CPPED1: variants seen among roughly 807,000 people sequenced by gnomAD.
The protein encoded by CPPED1 is serine/threonine-protein phosphatase CPPED1.
In CPPED1, 28 loss-of-function variants were observed where a neutral mutation model predicts 28.0. The observed-to-expected ratio is 1.00, with a 90% CI of 0.74 to 1.37. The LOEUF (loss-of-function observed/expected upper bound fraction) is 1.37, where lower values mean the gene tolerates loss of function less well. CPPED1 is among the 40% of genes most tolerant of loss of function. CPPED1 has a pLI of 0.00. For synonymous variants in CPPED1, 198 were observed against 180.2 expected (o/e 1.10, Z -0.79); for missense variants, 504 against 416.5 (o/e 1.21, Z -1.83).
chr16:12,683,304 G>A (rs1295526256), intron 3 of CPPED1, among the ~76,000 whole-genome samples: 2 of 152,098 alleles, frequency 1.3e-5, no homozygotes, highest in South Asian at 2.1e-4. Flanking sequence ...TCCTCCTCCA[G>A]TTAACAGCTT....
rs1056767126 is a variant in CPPED1 at position 12,670,920 on chromosome 16, G to A, written c.716-5805C>T. Among the ~76,000 whole-genome samples the A allele has an allele frequency of 7.9e-5, 12 of 152,070 alleles. No individual in the cohort carries two copies. Among genetic ancestry groups the A allele is most frequent in the Middle Eastern group, 3.4e-3 (1 of 294 alleles). On this transcript the variant is annotated intron_variant, in intron 3 of 3. Coordinates refer to ENST00000381774, the MANE Select transcript of CPPED1 (RefSeq NM_018340.3). This position sits in a 1 kb window ranked among gnomAD's most constrained non-coding sequence, Gnocchi z 4.2. The stretch of plus-strand genomic sequence containing the variant: ...TGCTGAAGTACAGTGGTGCGATCTC[G>A]GCTCACTGCAAACTCCGCCTCCCGG...
At chr16:12,794,220 C>T (rs927645101) in intron 1 of CPPED1, among the ~76,000 whole-genome samples, 3 of 151,718 alleles carry the variant, frequency 2.0e-5, no homozygotes, top group East Asian at 1.9e-4. Flanking sequence ...AGTTTCAGCA[C>T]GGGGTGCAGG....
chr16:12,725,184 C>T, intron 2 of CPPED1, among the ~76,000 whole-genome samples: 1 of 152,078 alleles, frequency 6.6e-6, no homozygotes, highest in East Asian at 1.9e-4. Context: ...GCATCTGCCT[C>T]TCAGGTTCAA....
chr16:12,666,474 T>C (rs2079826506), intron 3 of CPPED1, among the ~76,000 whole-genome samples: 1 of 152,248 alleles, frequency 6.6e-6, no homozygotes, highest in Non-Finnish European at 1.5e-5. Context: ...ACGCTGCTGC[T>C]GCCTGGGGCT....
At position 12,779,719 on chromosome 16, in the gene CPPED1, C is replaced by T. The variant is rs558631500; in HGVS notation, c.289+1466G>A. On this transcript the variant is annotated intron_variant, in intron 2 of 3. Coordinates refer to ENST00000381774, the MANE Select transcript of CPPED1 (RefSeq NM_018340.3). ...ATGGGTTTTGTTCTAGATAAGTGGG[C>T]TGCCAGAAAAAAGAGCCACCATGAG... is the stretch of plus-strand genomic sequence containing the variant. 2.6e-5 allele frequency among the ~76,000 whole-genome samples: 4 copies of T among 151,650 alleles called. No homozygotes were observed. In the East Asian group the frequency reaches 7.8e-4, roughly 29 times the overall value.
At chr16:12,681,949 C>A (rs1240417562) in intron 3 of CPPED1, among the ~76,000 whole-genome samples, 1 of 152,092 alleles carries the variant, frequency 6.6e-6, no homozygotes, top group African/African-American at 2.4e-5. Flanking sequence ...GAGTCCACAG[C>A]CTTGAGAGTG....
chr16:12,701,638 C>T (rs1413151359), intron 3 of CPPED1, among the ~76,000 whole-genome samples: 1 of 152,132 alleles, frequency 6.6e-6, no homozygotes, highest in East Asian at 1.9e-4. Context: ...CAGTGAAGAG[C>T]TGGGCCGGAC....
chr16:12,762,924 A>AT (rs1305188846), intron 2 of CPPED1, among the ~76,000 whole-genome samples: 1 of 151,714 alleles, frequency 6.6e-6, no homozygotes, highest in Non-Finnish European at 1.5e-5. Context: ...AAAAAAAAAA[A>AT]TTTTTGTAGA....
At chr16:12,727,507 C>T (rs2080176382) in intron 2 of CPPED1, among the ~76,000 whole-genome samples, 1 of 152,108 alleles carries the variant, frequency 6.6e-6, no homozygotes, top group Non-Finnish European at 1.5e-5. Flanking sequence ...CGTATACCAC[C>T]ACATCTGGCT....
chr16:12,772,645 T>C (rs17236870), intron 2 of CPPED1, among the ~76,000 whole-genome samples: 33,438 of 152,144 alleles, frequency 0.22, 4,181 homozygotes, highest in East Asian at 0.3. Context: ...CCTTTTAACT[T>C]CTGAAAATGC....
chr16:12,681,454 AT>A (rs1323043887), intron 3 of CPPED1, among the ~76,000 whole-genome samples: 1 of 152,198 alleles, frequency 6.6e-6, no homozygotes, highest in East Asian at 1.9e-4. Context: ...TCTGTTCTTT[AT>A]AAATTACCCA....
At chr16:12,745,762 C>G (rs1364105183) in intron 2 of CPPED1, 1 of 152,166 alleles carries the variant, frequency 6.6e-6, no homozygotes, top group Non-Finnish European at 1.5e-5. Flanking sequence ...ATATGTATAG[C>G]AAACCTGTTA....
At chr16:12,740,263 T>C (rs1039590767) in intron 2 of CPPED1, among the ~76,000 whole-genome samples, 1 of 151,798 alleles carries the variant, frequency 6.6e-6, no homozygotes, top group African/African-American at 2.4e-5. Flanking sequence ...CTGGCCAACA[T>C]GGTGAAACCC....
At chr16:12,677,594 C>A (rs1596442266) in intron 3 of CPPED1, among the ~76,000 whole-genome samples, 1 of 152,198 alleles carries the variant, frequency 6.6e-6, no homozygotes. Context: ...GTGAGCTGAG[C>A]TCGTGCCACT....
At chr16:12,751,215 T>A (rs12443699) in intron 2 of CPPED1, among the ~76,000 whole-genome samples, 1 of 152,074 alleles carries the variant, frequency 6.6e-6, no homozygotes, top group Admixed American at 6.5e-5. Context: ...CAGGGAGAGG[T>A]GGCTACCTTC....
At chr16:12,768,717 A>G (rs552851688) in intron 2 of CPPED1, among the ~76,000 whole-genome samples, 1 of 152,286 alleles carries the variant, frequency 6.6e-6, no homozygotes, top group East Asian at 1.9e-4. Flanking sequence ...ATTTCCTTCT[A>G]TTATGAAGTT....
intron 1 of CPPED1, among the ~76,000 whole-genome samples, chr16:12,783,650 A>G (rs1461799673): frequency 1.3e-5 from 2 of 152,130 alleles, no homozygotes; most frequent in African/African-American, 4.8e-5. Flanking sequence ...CATCACACTG[A>G]GCTCACTATC....
At position 12,705,033 on chromosome 16, in the gene CPPED1, C is replaced by T. The variant is rs755685139; in HGVS notation, c.306G>A (p.Thr102=). The change falls in exon 3 of 4, where the codon ACG becomes ACA. Residue 102 remains threonine (T), a synonymous_variant. Transcript: ENST00000381774. ...CTCGCTTCAGGTCCTCCGTCTGCTC[C>T]GTCCGCCACGGCTTCCCTGGAAGAG... ...IHAMPGKPWR[T]EQTEDLKRVL... The T allele has an allele frequency of 9.3e-6, 15 of 1,608,306 alleles. No homozygotes were observed. Among genetic ancestry groups the T allele is most frequent in the Non-Finnish European group, 1.2e-5 (14 of 1,175,732 alleles).
intron 3 of CPPED1, among the ~76,000 whole-genome samples, chr16:12,672,598 T>C (rs1345739392): frequency 6.6e-6 from 1 of 152,212 alleles, no homozygotes; most frequent in African/African-American, 2.4e-5. Context: ...TGTGTATATG[T>C]ATACCTCAGA....
Sources: gnomAD v4.1 joint callset for allele counts (sites outside exome capture counted in the v4.1 genomes callset) on GRCh38, gnomAD v4.1.1 for gene constraint, Gnocchi (gnomAD v3.1) non-coding constraint, MANE v1.5 for transcripts, NCBI Gene and HGNC (gene_info 2026-07-23, HGNC 2026-07-21) for gene names.